The following CD47 variants were observed in gnomAD, a reference collection of about 807,000 sequenced individuals.
CD47 encodes the protein CD47 molecule.
A neutral mutation model predicts 44.6 loss-of-function variants in CD47; 11 were observed. The observed-to-expected ratio is 0.25, with a 90% confidence interval of 0.16 to 0.41. CD47 has a LOEUF of 0.41. Ranked by LOEUF, CD47 falls within the 10% of genes least tolerant of loss-of-function variation. The pLI, the probability that CD47 is intolerant of heterozygous loss-of-function variation, is 1.00. For synonymous variants in CD47, 140 were observed against 136.3 expected, an observed-to-expected ratio of 1.03 and a Z score of -0.19; for missense variants, 306 against 386.7, an observed-to-expected ratio of 0.79 and a Z score of 1.75.
rs756130166 is a variant in CD47 at position 108,080,353 on chromosome 3, GA to G, written c.47-10del. On this transcript the variant is annotated splice_polypyrimidine_tract_variant and intron_variant, in intron 1 of 10. Coordinates refer to ENST00000361309, the MANE Select transcript of CD47 (RefSeq NM_001777.4). ...TAGTAGCTGAGCTGATCCTGGAAAG[GA>G]AAAAGAAAAATGTTTCATTAATTAT... is the stretch of plus-strand genomic sequence containing the variant. The G allele has an allele frequency of 1.4e-6, 2 of 1,402,634 alleles. No individual in the cohort carries two copies. The highest frequency in any genetic ancestry group is 2.3e-5 in the East Asian group (1 of 43,754). The allele number at this position is 1,402,634 out of a possible 1,614,324, so 86.9% of individuals were successfully genotyped here.
intron 1 of CD47, among the ~76,000 whole-genome samples, chr3:108,085,905 G>A (rs1243090403): frequency 6.6e-6 from 1 of 152,140 alleles, no homozygotes; most frequent in Admixed American, 6.5e-5. Flanking sequence ...AAATCATGAA[G>A]CTGCATATTT....
chr3:108,081,428 A>T (rs1025812448), intron 1 of CD47, among the ~76,000 whole-genome samples: 3 of 152,044 alleles, frequency 2.0e-5, no homozygotes, highest in Non-Finnish European at 4.4e-5. Context: ...TTAATAGTTC[A>T]CACTTAAGAT....
intron 2 of CD47, among the ~76,000 whole-genome samples, chr3:108,077,900 A>C (rs2079339100): frequency 1.3e-5 from 2 of 152,120 alleles, no homozygotes; most frequent in Non-Finnish European, 2.9e-5. Context: ...GGTTAGGGAC[A>C]GTGGGAGGTG....
At chr3:108,060,330 G>A (rs1156773257) in intron 4 of CD47, among the ~76,000 whole-genome samples, 1 of 152,166 alleles carries the variant, frequency 6.6e-6, no homozygotes, top group East Asian at 1.9e-4. Context: ...TTATATGAGT[G>A]GGCTCTAATT....
At chr3:108,084,572 A>C (rs551951598) in intron 1 of CD47, among the ~76,000 whole-genome samples, 68 of 152,212 alleles carry the variant, frequency 4.5e-4, no homozygotes, top group African/African-American at 1.6e-3. Context: ...CCTTTCTTCT[A>C]AACTGCAGAT....
At chr3:108,071,660 A>C (rs1383727577) in intron 2 of CD47, among the ~76,000 whole-genome samples, 1 of 152,218 alleles carries the variant, frequency 6.6e-6, no homozygotes, top group African/African-American at 2.4e-5. Flanking sequence ...AAGGGCTTAA[A>C]ACAAAGCTTA....
intron 2 of CD47, among the ~76,000 whole-genome samples, chr3:108,072,781 G>A (rs1336479030): frequency 6.6e-6 from 1 of 152,110 alleles, no homozygotes; most frequent in Non-Finnish European, 1.5e-5. Context: ...AGGCTGTATG[G>A]TCTAATAGCC....
intron 7 of CD47, chr3:108,054,301 T>C (rs2078878309): frequency 6.6e-6 from 1 of 152,206 alleles, no homozygotes. Flanking sequence ...GAATACTTTC[T>C]AGTTCTAAAT....
chr3:108,071,229 C>T (rs1337160440), intron 2 of CD47, 47 bp from the exon 3 acceptor site: 4 of 852,454 alleles, frequency 4.7e-6, no homozygotes, highest in African/African-American at 3.5e-5. Context: ...TACTATAACA[C>T]TTTAAATTCT....
intron 2 of CD47, 50 bp downstream of exon 2, chr3:108,079,941 T>C: frequency 7.9e-7 from 1 of 1,265,038 alleles, no homozygotes; most frequent in Non-Finnish European, 1.1e-6. Flanking sequence ...CGAAAGAGGA[T>C]CAGGTTGCAC....
At position 108,080,110 on chromosome 3, in the gene CD47, C is replaced by T; in HGVS notation, c.281G>A (p.Gly94Glu). Residue 94 changes from glycine (G) to glutamate (E), a missense_variant, in exon 2 of 11, where the codon GGA becomes GAA. Around this residue, in one of 5 missense-constraint regions of CD47, gnomAD observed 47 missense variants for 36.2 expected, o/e 1.30. Coordinates refer to ENST00000361309, the MANE Select transcript of CD47 (RefSeq NM_001777.4). ...CTTATCCATCTTCAAAGAGGCATCT[C>T]CTTTTAGTAATTGTGAGACTTCAAT... ...AKIEVSQLLK[G>E]DASLKMDKSD... 1 of 1,613,006 alleles carries T rather than the reference C, an allele frequency of 6.2e-7. No individual in the cohort carries two copies. The highest frequency in any genetic ancestry group is 1.7e-4 in the Middle Eastern group (1 of 6,056).
intron 3 of CD47, among the ~76,000 whole-genome samples, chr3:108,069,940 C>A (rs912257948): frequency 6.6e-6 from 1 of 152,140 alleles, no homozygotes; most frequent in Non-Finnish European, 1.5e-5. Flanking sequence ...AGTCTAGACA[C>A]TATCTTGAAA....
intron 1 of CD47, among the ~76,000 whole-genome samples, chr3:108,083,627 A>T (rs1016238542): frequency 6.6e-6 from 1 of 152,050 alleles, no homozygotes; most frequent in Non-Finnish European, 1.5e-5. Flanking sequence ...CAGATTTCTA[A>T]GAAAATTCAT....
chr3:108,061,843 T>G (rs1439939764), intron 3 of CD47, among the ~76,000 whole-genome samples: 1 of 152,246 alleles, frequency 6.6e-6, no homozygotes, highest in Non-Finnish European at 1.5e-5. Context: ...AATTGGTGGC[T>G]GTCATGAAGG....
At chr3:108,058,305 C>A (rs1215804377) in intron 6 of CD47, 32 bp downstream of exon 6, 2 of 1,295,246 alleles carry the variant, frequency 1.5e-6, no homozygotes, top group Non-Finnish European at 2.1e-6. Context: ...CAAAAGTAAC[C>A]CAAATTAGGT....
rs76996366 is a variant in CD47 at position 108,083,554 on chromosome 3, C to T, written c.47-3210G>A. ...ATGATAAGTATATAATACAAGGTTA[C>T]AAGTGTTATCTTTTCTGCATGGACA... On this transcript the variant is annotated intron_variant, in intron 1 of 10. Transcript: ENST00000361309. 6.4e-3 allele frequency among the ~76,000 whole-genome samples: 970 copies of T among 152,134 alleles called. 12 individuals carry two copies. Among genetic ancestry groups the T allele is most frequent in the African/African-American group, 0.022 (933 of 41,522 alleles).
intron 3 of CD47, 130 bp from the exon 4 acceptor site, chr3:108,060,982 T>A (rs1040690144): frequency 4.9e-6 from 3 of 612,226 alleles, no homozygotes; most frequent in Non-Finnish European, 8.7e-6. Flanking sequence ...AACTCCTTAA[T>A]ATCATCAAGT....
rs1261362882 is a variant in CD47 at position 108,066,033 on chromosome 3, A to G, written c.490+5060T>C. On this transcript the variant is annotated intron_variant, in intron 3 of 10. Transcript: ENST00000361309. The stretch of plus-strand genomic sequence containing the variant: ...AATCTATGAAGAAATTTCCTGTTCC[A>G]TTACTTATTTTAAATATGCTTTCAT... 2.0e-5 allele frequency among the ~76,000 whole-genome samples: 3 copies of G among 152,064 alleles called. No individual in the cohort carries two copies. In the East Asian group the frequency reaches 5.8e-4, roughly 29 times the overall value.
At chr3:108,074,375 G>A (rs1050428790) in intron 2 of CD47, among the ~76,000 whole-genome samples, 1 of 151,862 alleles carries the variant, frequency 6.6e-6, no homozygotes, top group Non-Finnish European at 1.5e-5. Context: ...GTGCAGTGGT[G>A]TGGTCTCAGC....
Sources: gnomAD v4.1 joint callset for allele counts (sites outside exome capture counted in the v4.1 genomes callset) on GRCh38, gnomAD v4.1.1 for gene constraint, gnomAD v4.1.1 regional missense constraint, MANE v1.5 for transcripts, NCBI Gene and HGNC (gene_info 2026-07-23, HGNC 2026-07-21) for gene names.